TMEM132D: variants seen among roughly 807,000 people sequenced by gnomAD.
The protein encoded by TMEM132D is mature OL transmembrane protein.
In TMEM132D, 21 loss-of-function variants were observed where a neutral mutation model predicts 62.3. The ratio of observed to expected loss-of-function variants is 0.34; its 90% CI spans 0.24 to 0.49. The LOEUF is 0.49. Ranked by LOEUF, TMEM132D falls within the 20% of genes least tolerant of loss-of-function variation. TMEM132D has a pLI of 0.99. For synonymous variants in TMEM132D, 621 were observed against 575.6 expected, an observed-to-expected ratio of 1.08 and a Z score of -1.13; for missense variants, 1,346 against 1,402.8, an observed-to-expected ratio of 0.96 and a Z score of 0.65.
chr12:129,595,803 A>G (rs1402159614), intron 2 of TMEM132D, among the ~76,000 whole-genome samples: 1 of 151,662 alleles, frequency 6.6e-6, no homozygotes, highest in African/African-American at 2.4e-5. Flanking sequence ...CAGAAGAGCC[A>G]CCTCACTGAG....
chr12:129,664,167 C>T lies in TMEM132D; in HGVS notation c.968+35643G>A, dbSNP rs139530174. 7.1e-3 allele frequency among the ~76,000 whole-genome samples: 1,084 copies of T among 152,286 alleles called. 10 individuals are homozygous for T. The highest frequency in any genetic ancestry group is 0.02 in the Middle Eastern group (6 of 294). ...TGTAATTAGATGTATCAACGACTCACTAGAGCAATCTTCAAAAAATCAAGT... is the reference window on the plus strand; with the variant it reads ...TGTAATTAGATGTATCAACGACTCATTAGAGCAATCTTCAAAAAATCAAGT... On this transcript the variant is annotated intron_variant, in intron 2 of 8. Transcript: ENST00000422113.
chr12:129,289,547 T>TAAAAAAA (rs59709658), intron 4 of TMEM132D, among the ~76,000 whole-genome samples: 1 of 92,166 alleles, frequency 1.1e-5, no homozygotes. Context: ...TCCATCTCAA[T>TAAAAAAA]AAAAAAAAAA....
intron 2 of TMEM132D, among the ~76,000 whole-genome samples, chr12:129,638,096 G>A (rs553194606): frequency 2.0e-5 from 3 of 152,190 alleles, no homozygotes; most frequent in Admixed American, 6.5e-5. Context: ...CAAATCAGCC[G>A]TCCAGCCAGG....
intron 2 of TMEM132D, among the ~76,000 whole-genome samples, chr12:129,624,879 A>C (rs1593094424): frequency 6.6e-6 from 1 of 152,260 alleles, no homozygotes; most frequent in African/African-American, 2.4e-5. Flanking sequence ...TCTCAGGCAC[A>C]GGGCAGAGTG....
At chr12:129,213,922 T>C (rs1333463009) in intron 4 of TMEM132D, among the ~76,000 whole-genome samples, 2 of 152,204 alleles carry the variant, frequency 1.3e-5, no homozygotes, top group East Asian at 3.8e-4. Flanking sequence ...TAGATTGAAA[T>C]CTATTATGAT....
At chr12:129,678,154 A>G (rs1331289851) in intron 2 of TMEM132D, among the ~76,000 whole-genome samples, 1 of 152,154 alleles carries the variant, frequency 6.6e-6, no homozygotes, top group Non-Finnish European at 1.5e-5. Flanking sequence ...CTTTTGGTGA[A>G]CAAGTGTAAG....
chr12:129,427,022 G>T (rs34092340), intron 3 of TMEM132D, among the ~76,000 whole-genome samples: 27,389 of 152,192 alleles, frequency 0.18, 2,983 homozygotes, highest in Non-Finnish European at 0.25. Context: ...TAAGACAGGG[G>T]CAGTGGAGCC....
intron 2 of TMEM132D, among the ~76,000 whole-genome samples, chr12:129,622,934 G>C (rs562380292): frequency 1.2e-4 from 19 of 152,166 alleles, no homozygotes; most frequent in Non-Finnish European, 2.6e-4. Context: ...TGGCTAATGG[G>C]GGAATACAAA....
intron 3 of TMEM132D, among the ~76,000 whole-genome samples, chr12:129,413,685 A>G (rs34268171): frequency 2.6e-5 from 4 of 152,206 alleles, no homozygotes; most frequent in Non-Finnish European, 5.9e-5. Flanking sequence ...GAGTTCCACA[A>G]ATATTTACTG....
intron 3 of TMEM132D, among the ~76,000 whole-genome samples, chr12:129,362,022 G>T (rs1870264472): frequency 6.6e-6 from 1 of 152,152 alleles, no homozygotes; most frequent in South Asian, 2.1e-4. Context: ...TTTTCTGAGA[G>T]GTTGCTTCTC....
intron 4 of TMEM132D, among the ~76,000 whole-genome samples, chr12:129,247,972 A>G (rs1880166774): frequency 6.6e-6 from 1 of 152,130 alleles, no homozygotes; most frequent in Non-Finnish European, 1.5e-5. Context: ...CTTAATAGAT[A>G]AGTAAGGTTG....
intron 1 of TMEM132D, among the ~76,000 whole-genome samples, chr12:129,754,232 AATCCCT>A (rs1870093813): frequency 6.6e-6 from 1 of 152,230 alleles, no homozygotes. Context: ...GAAGAAACAG[AATCCCT>A]ATCAGATATC....
intron 3 of TMEM132D, among the ~76,000 whole-genome samples, chr12:129,343,944 T>C (rs1220735742): frequency 6.6e-6 from 1 of 151,932 alleles, no homozygotes; most frequent in Non-Finnish European, 1.5e-5. Flanking sequence ...CTCAAAAAAA[T>C]GAAGAAAGAT....
At chr12:129,495,229 A>ACTAATC (rs2137062974) in intron 3 of TMEM132D, among the ~76,000 whole-genome samples, 1 of 79,192 alleles carries the variant, frequency 1.3e-5, no homozygotes, top group Admixed American at 1.2e-4. Context: ...CAATGTTAAT[A>ACTAATC]ATTTCAAGGA....
At chr12:129,707,393 G>A (rs900876624) in intron 1 of TMEM132D, among the ~76,000 whole-genome samples, 1 of 151,600 alleles carries the variant, frequency 6.6e-6, no homozygotes, top group Admixed American at 6.6e-5. Flanking sequence ...TAAACAAAAA[G>A]GAAGGGAAAG....
At chr12:129,501,999 CTT>C (rs10532306) in intron 3 of TMEM132D, among the ~76,000 whole-genome samples, 79,643 of 149,810 alleles carry the variant, frequency 0.53, 21,778 homozygotes, top group African/African-American at 0.69. Flanking sequence ...ATTTCTGTGA[CTT>C]TTTTTTTTTT....
intron 3 of TMEM132D, among the ~76,000 whole-genome samples, chr12:129,480,156 G>T (rs1874385107): frequency 1.3e-5 from 2 of 152,238 alleles, no homozygotes; most frequent in South Asian, 4.1e-4. Context: ...GGTCCAGGCA[G>T]CGGGGAATAC....
chr12:129,363,129 A>C (rs1870301667), intron 3 of TMEM132D, among the ~76,000 whole-genome samples: 1 of 152,220 alleles, frequency 6.6e-6, no homozygotes, highest in Admixed American at 6.5e-5. Flanking sequence ...TAAGCAGAAT[A>C]CGTCACCAGG....
intron 3 of TMEM132D, among the ~76,000 whole-genome samples, chr12:129,351,578 C>A (rs928491785): frequency 6.6e-6 from 1 of 152,156 alleles, no homozygotes; most frequent in Non-Finnish European, 1.5e-5. Context: ...CATAAGATTA[C>A]CCAGGCTATG....
Sources: allele counts gnomAD v4.1 joint callset (sites outside exome capture counted in the v4.1 genomes callset), GRCh38; gene constraint gnomAD v4.1.1; transcripts MANE v1.5; gene names NCBI Gene and HGNC (gene_info 2026-07-23, HGNC 2026-07-21).